Variants in SCN7A observed in about 807,000 individuals in gnomAD.
SCN7A encodes sodium channel protein type 7 subunit alpha.
Under a neutral mutation model 155.2 loss-of-function variants are expected in SCN7A, and 138 were observed. The ratio of observed to expected loss-of-function variants is 0.89; its 90% confidence interval spans 0.77 to 1.02. The LOEUF is 1.02. SCN7A is among the 50% of genes least tolerant of loss of function. The pLI is 0.00. For synonymous variants in SCN7A, 693 were observed against 649.0 expected, an observed-to-expected ratio of 1.07 and a Z score of -1.03; for missense variants, 2,058 against 1,986.6, an observed-to-expected ratio of 1.04 and a Z score of -0.68.
At chr2:166,462,916 A>AT (rs545211651) in intron 9 of SCN7A, among the ~76,000 whole-genome samples, 145 of 152,230 alleles carry the variant, frequency 9.5e-4, no homozygotes, top group Non-Finnish European at 1.6e-3. Flanking sequence ...TCACATACTT[A>AT]TTTTTTTGTG....
intron 1 of SCN7A, among the ~76,000 whole-genome samples, chr2:166,491,646 C>G (rs565336855): frequency 2.0e-5 from 3 of 146,358 alleles, no homozygotes; most frequent in African/African-American, 7.6e-5. Context: ...TCCTCACTAA[C>G]AGAAGAGAAG....
At position 166,416,989 on chromosome 2, in the gene SCN7A, G is replaced by A. The variant is rs1160619180; in HGVS notation, c.3136-4C>T. 3 of 1,557,326 alleles carry A rather than the reference G, an allele frequency of 1.9e-6. No individual in the cohort carries two copies. The highest frequency in any genetic ancestry group is 2.8e-5 in the African/African-American group (2 of 72,610). ...TGATCAAAGCTCTCACAACCACCTGGTATATATAAAAAATGTAAACTTTAG... is the reference window on the plus strand; with the variant it reads ...TGATCAAAGCTCTCACAACCACCTGATATATATAAAAAATGTAAACTTTAG... On this transcript the variant is annotated splice_region_variant and splice_polypyrimidine_tract_variant and intron_variant, in intron 20 of 25. Transcript: ENST00000643258.
chr2:166,481,777 T>C (rs952905372), intron 2 of SCN7A, among the ~76,000 whole-genome samples: 5 of 152,102 alleles, frequency 3.3e-5, no homozygotes, highest in Non-Finnish European at 5.9e-5. Context: ...GAATGTATAG[T>C]TGAGGTGGAA....
At chr2:166,439,711 T>C (rs1294481543) in intron 15 of SCN7A, among the ~76,000 whole-genome samples, 3 of 152,186 alleles carry the variant, frequency 2.0e-5, no homozygotes, top group African/African-American at 7.2e-5. Context: ...GGGCAGAAGA[T>C]ATTGAAGTAT....
chr2:166,481,153 C>G (rs563581824), intron 2 of SCN7A, among the ~76,000 whole-genome samples: 1 of 152,232 alleles, frequency 6.6e-6, no homozygotes, highest in South Asian at 2.1e-4. Context: ...CAAATAAAAT[C>G]ATGATCTTTG....
At chr2:166,465,157 C>A (rs1391029714) in intron 9 of SCN7A, among the ~76,000 whole-genome samples, 2 of 152,110 alleles carry the variant, frequency 1.3e-5, no homozygotes, top group Admixed American at 1.3e-4. Context: ...GAGGACACAG[C>A]AAAAAGGTAC....
intron 16 of SCN7A, among the ~76,000 whole-genome samples, chr2:166,431,695 T>A (rs1701735066): frequency 6.6e-6 from 1 of 151,546 alleles, no homozygotes; most frequent in South Asian, 2.1e-4. Context: ...GCGACTCTGA[T>A]TTTTTTTTAA....
intron 21 of SCN7A, among the ~76,000 whole-genome samples, chr2:166,414,919 A>ATATATATTATATAGGATAATATATAT: frequency 1.1e-5 from 1 of 93,510 alleles, no homozygotes; most frequent in East Asian, 2.9e-4. Flanking sequence ...ATAATATATA[A>ATATATATTATATAGGATAATATATAT]TATATATTAT....
At chr2:166,470,839 T>C in intron 6 of SCN7A, 133 bp from the exon 7 acceptor site, 1 of 709,490 alleles carries the variant, frequency 1.4e-6, no homozygotes, top group Non-Finnish European at 2.2e-6. Context: ...TGATTCCATA[T>C]TGCAAACAGT....
chr2:166,462,802 AT>A (rs1702444638), intron 9 of SCN7A, among the ~76,000 whole-genome samples: 3 of 152,116 alleles, frequency 2.0e-5, no homozygotes, highest in African/African-American at 7.2e-5. Flanking sequence ...TTATTTTTTC[AT>A]TGACAAAGAG....
intron 1 of SCN7A, among the ~76,000 whole-genome samples, chr2:166,487,452 C>A (rs1342170903): frequency 6.6e-6 from 1 of 152,168 alleles, no homozygotes; most frequent in Non-Finnish European, 1.5e-5. Context: ...AGTTTTATTT[C>A]TAGAGCACAG....
chr2:166,444,417 G>A (rs1702019433), intron 13 of SCN7A, among the ~76,000 whole-genome samples: 1 of 152,014 alleles, frequency 6.6e-6, no homozygotes, highest in Non-Finnish European at 1.5e-5. Context: ...TTTCACTTCT[G>A]CCCTACTCTG....
Position 166,473,834 on chromosome 2 carries a change from G to C in SCN7A, c.408C>G (p.Ser136=). ...ISVLIDCVFM[S]LTNLPKWRPV... is the part of the protein sequence containing the mutation. ...GTCTCCATTTTGGCAAATTAGTCAG[G>C]GACATGAATACGCAATCAATCAGGA... is the stretch of plus-strand genomic sequence containing the variant. The change falls in exon 5 of 26, where the codon TCC becomes TCG. Residue 136 remains serine (S), a synonymous_variant. Coordinates refer to ENST00000643258, the MANE Select transcript of SCN7A (RefSeq NM_002976.4). The C allele has an allele frequency of 6.4e-7, 1 of 1,557,314 alleles. No homozygotes were observed. Among genetic ancestry groups the C allele is most frequent in the Non-Finnish European group, 8.7e-7 (1 of 1,147,436 alleles).
In SCN7A at chr2:166,404,416, G is replaced by A. The variant is rs1012711107; in HGVS notation, c.*1164C>T. ...TGATGAGATTAAAAAACTTGAAAAC[G>A]TAAATATATAAGGGAAAACTAACTT... On this transcript the variant is annotated 3_prime_UTR_variant, in exon 26 of 26. Transcript: ENST00000643258. 11 of 151,780 alleles carry A rather than the reference G, an allele frequency of 7.2e-5. No individual in the cohort carries two copies. Among genetic ancestry groups the A allele is most frequent in the East Asian group, 1.9e-4 (1 of 5,152 alleles). The allele number at this position is 151,780 out of a possible 1,614,324, so 9.4% of individuals were successfully genotyped here. A position where few individuals can be genotyped will look rare whatever the true frequency, so the allele number is the denominator to read the frequency against.
chr2:166,465,837 T>C lies in SCN7A; in HGVS notation c.815A>G (p.Gln272Arg). The change falls in exon 8 of 26, where the codon CAA (glutamine) becomes CGA (arginine). Residue 272 changes from glutamine (Q) to arginine (R), a missense_variant. Physicochemically the swap from Gln to Arg is conservative, Grantham distance 43. Coordinates refer to ENST00000643258, the MANE Select transcript of SCN7A (RefSeq NM_002976.4). ...NLKHKCFRWP[Q>R]ENENETLHNR... ...GTGCAGGGTTTCATTTTCATTCTCT[T>C]GGGGCCATCGAAAACATTTATGTTT... is the stretch of plus-strand genomic sequence containing the variant. 1.2e-6 allele frequency: 2 copies of C among 1,613,894 alleles called. No individual in the cohort carries two copies. Among genetic ancestry groups the C allele is most frequent in the Non-Finnish European group, 1.7e-6 (2 of 1,179,850 alleles).
chr2:166,429,193 C>T lies in SCN7A; in HGVS notation c.2674G>A (p.Glu892Lys). The T allele has an allele frequency of 1.3e-6, 2 of 1,540,292 alleles. No individual in the cohort carries two copies. The highest frequency in any genetic ancestry group is 1.8e-6 in the Non-Finnish European group (2 of 1,141,996). Residue 892 changes from glutamate to lysine, a missense_variant, in exon 17 of 26, where the codon GAA becomes AAA. Coordinates refer to ENST00000643258, the MANE Select transcript of SCN7A (RefSeq NM_002976.4). ...CCATTTTTCAGATGCTTTGATCTTT[C>T]ACCTCCATAGAACATTTCTTCTTCT... ...SEEEEMFYGG[E>K]RSKHLKNGCR...
In SCN7A at chr2:166,405,365, C is replaced by T; in HGVS notation, c.*215G>A. ...GAGATTGTCAAATGGCCACTTTAAC[C>T]CACTTTAAACTCACTGCAGCAATAT... On this transcript the variant is annotated 3_prime_UTR_variant, in exon 26 of 26. Coordinates refer to ENST00000643258, the MANE Select transcript of SCN7A (RefSeq NM_002976.4). The T allele has an allele frequency of 4.3e-6, 2 of 469,714 alleles. No homozygotes were observed. The highest frequency in any genetic ancestry group is 3.7e-6 in the Non-Finnish European group (1 of 270,008). The allele number at this position is 469,714 out of a possible 1,614,324, so 29.1% of individuals were successfully genotyped here. A position where few individuals can be genotyped will look rare whatever the true frequency, so the allele number is the denominator to read the frequency against.
At chr2:166,479,639 G>C (rs1702876272) in intron 2 of SCN7A, among the ~76,000 whole-genome samples, 2 of 151,792 alleles carry the variant, frequency 1.3e-5, no homozygotes, top group African/African-American at 4.8e-5. Flanking sequence ...ACTTTATTTG[G>C]TTTTTCAGTT....
chr2:166,464,958 T>TTCTGCTATG (rs1158640186), intron 9 of SCN7A, among the ~76,000 whole-genome samples: 4 of 152,216 alleles, frequency 2.6e-5, no homozygotes, highest in Non-Finnish European at 5.9e-5. Flanking sequence ...GTATTCCACA[T>TTCTGCTATG]TGCATACTTC....
Sources: allele counts gnomAD v4.1 joint callset (sites outside exome capture counted in the v4.1 genomes callset), GRCh38; gene constraint gnomAD v4.1.1; transcripts MANE v1.5; gene names NCBI Gene and HGNC (gene_info 2026-07-23, HGNC 2026-07-21).